CSNK1G3: variants seen among roughly 807,000 people sequenced by gnomAD.
CSNK1G3 encodes casein kinase I isoform gamma-3.
In CSNK1G3, 23 loss-of-function variants were observed where a neutral mutation model predicts 64.3. The observed-to-expected ratio is 0.36, with a 90% CI of 0.26 to 0.51. The LOEUF (loss-of-function observed/expected upper bound fraction) is 0.51, where lower values mean the gene tolerates loss of function less well. CSNK1G3 is among the 20% of genes least tolerant of loss of function. CSNK1G3 has a pLI of 0.96. For synonymous variants in CSNK1G3, 158 were observed against 162.2 expected (o/e 0.97, Z 0.20); for missense variants, 357 against 510.5 (o/e 0.70, Z 2.90).
At chr5:123,542,935 C>T (rs752247811) in intron 1 of CSNK1G3, among the ~76,000 whole-genome samples, 4 of 139,268 alleles carry the variant, frequency 2.9e-5, no homozygotes, top group African/African-American at 5.4e-5. Context: ...TTTTTTTTTC[C>T]GCCCTCTTCT....
At chr5:123,579,861 T>C (rs1054152027) in intron 6 of CSNK1G3, among the ~76,000 whole-genome samples, 1 of 152,002 alleles carries the variant, frequency 6.6e-6, no homozygotes, top group Admixed American at 6.6e-5. Context: ...TTCTCAGTTT[T>C]CATGTAAAAC....
intron 12 of CSNK1G3, among the ~76,000 whole-genome samples, chr5:123,610,595 G>A (rs931358544): frequency 6.6e-6 from 1 of 152,272 alleles, no homozygotes; most frequent in East Asian, 1.9e-4. Context: ...ATGTGTTTTA[G>A]GACTTTGATC....
intron 3 of CSNK1G3, among the ~76,000 whole-genome samples, chr5:123,554,548 G>A (rs970162159): frequency 1.3e-5 from 2 of 152,176 alleles, no homozygotes; most frequent in African/African-American, 2.4e-5. Flanking sequence ...TAATCACAGC[G>A]GGGAGGCCTA....
intron 1 of CSNK1G3, among the ~76,000 whole-genome samples, chr5:123,540,973 T>A (rs961555722): frequency 1.3e-5 from 2 of 152,214 alleles, no homozygotes; most frequent in African/African-American, 4.8e-5. Flanking sequence ...TCTGTAATAT[T>A]TTAGTGACTT....
intron 4 of CSNK1G3, among the ~76,000 whole-genome samples, chr5:123,571,155 A>C (rs907699997): frequency 1.3e-5 from 2 of 152,058 alleles, no homozygotes; most frequent in Non-Finnish European, 2.9e-5. Flanking sequence ...GTGTGTTTGC[A>C]GGGGGTGGTG....
chr5:123,523,955 T>C (rs552140914), intron 1 of CSNK1G3, among the ~76,000 whole-genome samples: 2 of 152,344 alleles, frequency 1.3e-5, no homozygotes, highest in African/African-American at 2.4e-5. Context: ...ATATGGTGTA[T>C]ACCCACTGTA....
intron 6 of CSNK1G3, among the ~76,000 whole-genome samples, chr5:123,587,685 A>C (rs1202512479): frequency 6.6e-6 from 1 of 152,170 alleles, no homozygotes; most frequent in African/African-American, 2.4e-5. Flanking sequence ...AAAGTTAAAC[A>C]TTTTAAATTC....
chr5:123,584,472 G>A (rs1410955679), intron 6 of CSNK1G3, among the ~76,000 whole-genome samples: 1 of 152,118 alleles, frequency 6.6e-6, no homozygotes, highest in South Asian at 2.1e-4. Context: ...ATTTTTAAAA[G>A]TTAAACCAAA....
At chr5:123,562,930 T>C (rs1786061982) in intron 4 of CSNK1G3, among the ~76,000 whole-genome samples, 1 of 152,022 alleles carries the variant, frequency 6.6e-6, no homozygotes. Flanking sequence ...TATATCTGAA[T>C]TGTTGATATT....
chr5:123,575,164 T>C (rs1486622023), intron 5 of CSNK1G3, among the ~76,000 whole-genome samples: 2 of 152,228 alleles, frequency 1.3e-5, no homozygotes, highest in Non-Finnish European at 2.9e-5. Flanking sequence ...TTTCAGACTT[T>C]TCTAGCTTTA....
At chr5:123,566,250 G>A (rs1314716454) in intron 4 of CSNK1G3, among the ~76,000 whole-genome samples, 2 of 152,180 alleles carry the variant, frequency 1.3e-5, no homozygotes. Flanking sequence ...TTTTGGGGGA[G>A]TGAGGGTGAG....
intron 12 of CSNK1G3, among the ~76,000 whole-genome samples, chr5:123,606,096 T>C (rs935763589): frequency 6.6e-6 from 1 of 152,120 alleles, no homozygotes; most frequent in Admixed American, 6.6e-5. Context: ...AGGCACCTTA[T>C]ATAATTTTCA....
At chr5:123,517,953 G>T (rs1011534677) in intron 1 of CSNK1G3, among the ~76,000 whole-genome samples, 2 of 144,812 alleles carry the variant, frequency 1.4e-5, no homozygotes, top group African/African-American at 5.1e-5. Flanking sequence ...AAAAAAGGAA[G>T]ATCCTGTTAT....
At chr5:123,568,524 C>T (rs1224372571) in intron 4 of CSNK1G3, among the ~76,000 whole-genome samples, 2 of 152,312 alleles carry the variant, frequency 1.3e-5, no homozygotes, top group Non-Finnish European at 2.9e-5. Context: ...ACCCACTAAT[C>T]GAGCTTTTTC....
At chr5:123,514,724 G>A (rs1776840303) in intron 1 of CSNK1G3, among the ~76,000 whole-genome samples, 1 of 151,942 alleles carries the variant, frequency 6.6e-6, no homozygotes, top group African/African-American at 2.4e-5. Context: ...GTGATGGTGG[G>A]GGTAGTTTTC....
intron 1 of CSNK1G3, among the ~76,000 whole-genome samples, chr5:123,519,829 CTT>C (rs1035899009): frequency 3.3e-5 from 5 of 152,144 alleles, no homozygotes; most frequent in African/African-American, 1.2e-4. Flanking sequence ...TAGTAGAACT[CTT>C]ATATCCTAAT....
At chr5:123,517,857 A>G (rs1777440296) in intron 1 of CSNK1G3, among the ~76,000 whole-genome samples, 1 of 151,950 alleles carries the variant, frequency 6.6e-6, no homozygotes, top group Admixed American at 6.6e-5. Flanking sequence ...ATATTAAAGA[A>G]GTCTGCTTCT....
At chr5:123,615,270 T>C (rs1478552081) in exon 13 of CSNK1G3, 1 of 152,604 alleles carries the variant, frequency 6.6e-6, no homozygotes, top group Non-Finnish European at 1.5e-5. Flanking sequence ...ATGTGAACCT[T>C]GTTGCAGTGT....
At chr5:123,559,719 G>A (rs1333537354) in intron 4 of CSNK1G3, among the ~76,000 whole-genome samples, 24 of 98,710 alleles carry the variant, frequency 2.4e-4, no homozygotes, top group African/African-American at 8.5e-4. Flanking sequence ...TTTTTTTTTT[G>A]GTCATTTGTG....
Sources: gnomAD v4.1 joint callset for allele counts (sites outside exome capture counted in the v4.1 genomes callset) on GRCh38, gnomAD v4.1.1 for gene constraint, MANE v1.5 for transcripts, NCBI Gene and HGNC (gene_info 2026-07-23, HGNC 2026-07-21) for gene names.